The following TYW1 variants were observed in gnomAD, a reference collection of about 807,000 sequenced individuals.
TYW1 encodes the protein tRNA-yW synthesizing protein 1 homolog, also known as S-adenosyl-L-methionine-dependent tRNA 4-demethylwyosine synthase TYW1.
A neutral mutation model predicts 96.2 loss-of-function variants in TYW1; 46 were observed. That is an observed-to-expected ratio of 0.48 (90% CI 0.38 to 0.61). TYW1 has a LOEUF of 0.61. Ranked by LOEUF, TYW1 falls within the 20% of genes least tolerant of loss-of-function variation. The pLI is 0.00. For missense variants in TYW1, 684 were observed against 909.6 expected, an observed-to-expected ratio of 0.75 and a Z score of 3.19; for synonymous variants, 274 against 323.0, an observed-to-expected ratio of 0.85 and a Z score of 1.63.
chr7:67,123,243 G>A (rs529514500), intron 13 of TYW1, among the ~76,000 whole-genome samples: 9 of 151,954 alleles, frequency 5.9e-5, no homozygotes, highest in Admixed American at 2.6e-4. Flanking sequence ...CATGTAAACC[G>A]TGGGACCCCT....
intron 15 of TYW1, among the ~76,000 whole-genome samples, chr7:67,220,397 G>T (rs1390347673): frequency 2.6e-5 from 4 of 151,808 alleles, no homozygotes; most frequent in South Asian, 4.2e-4. Flanking sequence ...TAAAGATGGG[G>T]TTTCACCGTG....
chr7:67,011,803 G>T (rs572442819), intron 4 of TYW1, among the ~76,000 whole-genome samples: 1 of 151,800 alleles, frequency 6.6e-6, no homozygotes, highest in Non-Finnish European at 1.5e-5. Flanking sequence ...AACCTGGGAG[G>T]CGGAGGTCGC....
chr7:67,091,760 A>G (rs1796727799), intron 11 of TYW1, among the ~76,000 whole-genome samples: 1 of 152,194 alleles, frequency 6.6e-6, no homozygotes, highest in South Asian at 2.1e-4. Flanking sequence ...AAGCTTTTCA[A>G]TATCTTACTT....
At position 67,128,525 on chromosome 7, in the gene TYW1, A is replaced by G. The variant is rs142631011; in HGVS notation, c.1698+10907A>G. 1.3e-3 allele frequency among the ~76,000 whole-genome samples: 192 copies of G among 152,186 alleles called. 2 individuals carry two copies. Among genetic ancestry groups the G allele is most frequent in the African/African-American group, 4.5e-3 (185 of 41,532 alleles). On this transcript the variant is annotated intron_variant, in intron 13 of 15. Coordinates refer to ENST00000359626, the MANE Select transcript of TYW1 (RefSeq NM_018264.4). ...AGAGCCTGGTTTGGATCCTTGTGCT[A>G]TCTCTTTAAACTTTGCTTTTTGCCT...
intron 7 of TYW1, among the ~76,000 whole-genome samples, chr7:67,048,000 C>G (rs1028774195): frequency 2.6e-5 from 4 of 151,062 alleles, no homozygotes; most frequent in Non-Finnish European, 5.9e-5. Context: ...GTTGGCCAGG[C>G]TGGTCTCGAA....
chr7:67,067,007 A>G, intron 9 of TYW1: 2 of 440,110 alleles, frequency 4.5e-6, no homozygotes, highest in Non-Finnish European at 8.3e-6. Context: ...TGTTATTTGA[A>G]GGAGTCTGAT....
intron 13 of TYW1, among the ~76,000 whole-genome samples, chr7:67,170,721 A>G (rs1466595778): frequency 1.3e-5 from 2 of 152,152 alleles, no homozygotes; most frequent in Non-Finnish European, 2.9e-5. Context: ...CTATGGATAT[A>G]GCTGTTCTGG....
chr7:67,235,930 A>C (rs980052643), intron 15 of TYW1, among the ~76,000 whole-genome samples: 91 of 148,992 alleles, frequency 6.1e-4, no homozygotes, highest in Admixed American at 1.2e-3. Context: ...GTGAGGAAGA[A>C]AGACTGGGCC....
chr7:67,104,383 A>C (rs1254839160), intron 12 of TYW1, among the ~76,000 whole-genome samples: 1 of 152,180 alleles, frequency 6.6e-6, no homozygotes, highest in East Asian at 1.9e-4. Context: ...ACACAGCAGG[A>C]GGAAGAGAAT....
chr7:67,024,192 G>A (rs187119363), intron 6 of TYW1, among the ~76,000 whole-genome samples: 15 of 152,132 alleles, frequency 9.9e-5, no homozygotes, highest in Middle Eastern at 3.4e-3. Flanking sequence ...TTTCTTCATT[G>A]TTGTTGTTGT....
chr7:67,224,113 G>A lies in TYW1; in HGVS notation c.1978-14195G>A, dbSNP rs1200454942. On this transcript the variant is annotated intron_variant, in intron 15 of 15. Coordinates refer to ENST00000359626, the MANE Select transcript of TYW1 (RefSeq NM_018264.4). ...TTCCTACAAGTTTCCTTTTAAACAAGTTGATACTTGTTTGTTTGTTTATTT... is the reference window on the plus strand; with the variant it reads ...TTCCTACAAGTTTCCTTTTAAACAAATTGATACTTGTTTGTTTGTTTATTT... Among the ~76,000 whole-genome samples, 3 of 152,108 alleles carry A rather than the reference G, an allele frequency of 2.0e-5. No homozygotes were observed. In the East Asian group the frequency reaches 5.8e-4, roughly 29 times the overall value.
intron 11 of TYW1, among the ~76,000 whole-genome samples, chr7:67,092,006 C>T (rs760964145): frequency 4.4e-4 from 67 of 152,286 alleles, no homozygotes; most frequent in South Asian, 8.3e-4. Context: ...GATCCCTCTT[C>T]CTCTCCCCAG....
chr7:67,010,477 A>ATT (rs201032960), intron 4 of TYW1, among the ~76,000 whole-genome samples: 7 of 135,356 alleles, frequency 5.2e-5, no homozygotes, highest in African/African-American at 1.4e-4. Flanking sequence ...ATTTTAAAAG[A>ATT]TTTTTTTTTT....
At chr7:67,088,426 T>C (rs917245281) in intron 11 of TYW1, among the ~76,000 whole-genome samples, 1 of 152,154 alleles carries the variant, frequency 6.6e-6, no homozygotes, top group Non-Finnish European at 1.5e-5. Flanking sequence ...TCTGGAAAAC[T>C]GGTGGTAGTC....
rs767866348 is a variant in TYW1 at position 66,998,825 on chromosome 7, C to T, written c.144C>T (p.Asn48=). ...VQIVIKTQGK[N]LQEKSVPKAA... ...AATTATTTGTCTTCAAGGGCAAGAA[C>T]TTACAGGAAAAATCTGTTCCAAAAG... Residue 48 remains asparagine, a synonymous_variant, in exon 3 of 16, where the codon AAC becomes AAT. Coordinates refer to ENST00000359626, the MANE Select transcript of TYW1 (RefSeq NM_018264.4). The T allele has an allele frequency of 1.2e-6, 2 of 1,614,014 alleles. No homozygotes were observed. The highest frequency in any genetic ancestry group is 2.2e-5 in the South Asian group (2 of 91,058).
intron 9 of TYW1, among the ~76,000 whole-genome samples, chr7:67,059,390 A>G (rs1245489347): frequency 6.6e-6 from 1 of 151,980 alleles, no homozygotes; most frequent in Non-Finnish European, 1.5e-5. Flanking sequence ...GGCGTGAGCC[A>G]CCGTGCCTGG....
At chr7:67,002,991 A>C (rs1793458082) in intron 3 of TYW1, among the ~76,000 whole-genome samples, 2 of 151,654 alleles carry the variant, frequency 1.3e-5, no homozygotes, top group African/African-American at 4.8e-5. Context: ...GGCTGGTCTC[A>C]AACTCCTAGC....
At chr7:67,102,409 T>C (rs1455412382) in intron 12 of TYW1, among the ~76,000 whole-genome samples, 3 of 152,184 alleles carry the variant, frequency 2.0e-5, no homozygotes, top group Non-Finnish European at 4.4e-5. Flanking sequence ...TTGATTGCCA[T>C]CTTCAACAAA....
intron 4 of TYW1, 135 bp from the exon 5 acceptor site, chr7:67,014,231 CA>C: frequency 8.0e-7 from 1 of 1,250,516 alleles, no homozygotes; most frequent in Non-Finnish European, 1.1e-6. Context: ...TCATGCCCTT[CA>C]CTTTTGAAGA....
Sources: gnomAD v4.1 joint callset for allele counts (sites outside exome capture counted in the v4.1 genomes callset) on GRCh38, gnomAD v4.1.1 for gene constraint, MANE v1.5 for transcripts, NCBI Gene and HGNC (gene_info 2026-07-23, HGNC 2026-07-21) for gene names.